The following RBMS3 variants were observed in gnomAD, a reference collection of about 807,000 sequenced individuals.
RBMS3 encodes the protein RNA binding motif single stranded interacting protein 3.
RBMS3 carries 27 observed loss-of-function variants against 66.8 expected under a neutral mutation model. The ratio of observed to expected loss-of-function variants is 0.40; its 90% CI spans 0.30 to 0.56. The LOEUF (loss-of-function observed/expected upper bound fraction) is 0.56, where lower values mean the gene tolerates loss of function less well. Among genes scored for constraint, RBMS3 ranks in the 20% least tolerant of loss-of-function variants. The pLI is 0.40. For synonymous variants in RBMS3, 188 were observed against 183.0 expected, an observed-to-expected ratio of 1.03 and a Z score of -0.22; for missense variants, 513 against 549.5, an observed-to-expected ratio of 0.93 and a Z score of 0.66.
Position 29,488,434 on chromosome 3 carries a change from C to G in RBMS3, c.249-7C>G. The G allele has an allele frequency of 6.4e-7, 1 of 1,551,326 alleles. No individual in the cohort carries two copies. On this transcript the variant is annotated splice_polypyrimidine_tract_variant and splice_region_variant and intron_variant, in intron 2 of 14. Transcript: ENST00000383767. ...AACATGGGTTTTTTTCTCTCTCTCTCTTTCAGGTATGGAAAAATTGTATCT... is the reference window on the plus strand; with the variant it reads ...AACATGGGTTTTTTTCTCTCTCTCTGTTTCAGGTATGGAAAAATTGTATCT...
intron 1 of RBMS3, among the ~76,000 whole-genome samples, chr3:29,331,420 A>G (rs558445123): frequency 6.6e-6 from 1 of 152,202 alleles, no homozygotes; most frequent in Admixed American, 6.5e-5. Context: ...GTAGGACCAA[A>G]CTAAAGCTAT....
intron 4 of RBMS3, among the ~76,000 whole-genome samples, chr3:29,677,295 C>T (rs1028466042): frequency 3.9e-5 from 6 of 152,036 alleles, no homozygotes; most frequent in Non-Finnish European, 7.4e-5. Context: ...TGTTTTCTTC[C>T]GATGATAGTG....
intron 2 of RBMS3, among the ~76,000 whole-genome samples, chr3:29,467,791 A>T (rs1348797933): frequency 6.6e-6 from 1 of 152,230 alleles, no homozygotes; most frequent in Non-Finnish European, 1.5e-5. Context: ...TGCCAGTCTT[A>T]TGTGCATAAA....
chr3:29,441,190 G>A (rs969851613), intron 2 of RBMS3, among the ~76,000 whole-genome samples: 1 of 152,136 alleles, frequency 6.6e-6, no homozygotes, highest in African/African-American at 2.4e-5. Flanking sequence ...TATTTTAAAT[G>A]AGAGAGTGCT....
chr3:29,301,160 A>G lies in RBMS3; in HGVS notation c.75+19404A>G, dbSNP rs545387359. 9.2e-5 allele frequency among the ~76,000 whole-genome samples: 14 copies of G among 152,126 alleles called. No individual in the cohort carries two copies. The South Asian group carries it at 2.9e-3, about 32-fold the overall frequency. ...AAGCATGATCTAAATCCAATGCTAA[A>G]AAAGAGACTTAAGTTTTGTCACCAT... On this transcript the variant is annotated intron_variant, in intron 1 of 14. Coordinates refer to ENST00000383767, the MANE Select transcript of RBMS3 (RefSeq NM_001003793.3).
At chr3:29,572,298 T>C (rs1253636150) in intron 3 of RBMS3, among the ~76,000 whole-genome samples, 1 of 152,168 alleles carries the variant, frequency 6.6e-6, no homozygotes. Flanking sequence ...AGCTAGAATT[T>C]CCAGTACTAT....
At position 29,434,818 on chromosome 3, in the gene RBMS3, AACAACAGCAGCG is replaced by A; in HGVS notation, c.152_163del (p.Asn51_Gly55delinsArg). ...AAACAGCAGCAGCAACAACAGCAGC[AACAACAGCAGCG>A]GGGAACAGTTGAGTAAAACCAACCT... is the stretch of plus-strand genomic sequence containing the variant. On this transcript the variant is annotated inframe_deletion, in exon 2 of 15. Coordinates refer to ENST00000383767, the MANE Select transcript of RBMS3 (RefSeq NM_001003793.3). 6.2e-7 allele frequency: 1 copy of A among 1,614,090 alleles called. No individual in the cohort carries two copies. The highest frequency in any genetic ancestry group is 1.1e-5 in the South Asian group (1 of 91,080).
At chr3:29,664,614 CAA>C (rs896308719) in intron 4 of RBMS3, among the ~76,000 whole-genome samples, 2 of 149,584 alleles carry the variant, frequency 1.3e-5, no homozygotes, top group African/African-American at 4.9e-5. Flanking sequence ...AAGCATTATA[CAA>C]AAAAATAGAA....
intron 5 of RBMS3, among the ~76,000 whole-genome samples, chr3:29,747,622 G>A (rs1208987193): frequency 6.6e-6 from 1 of 152,096 alleles, no homozygotes; most frequent in Non-Finnish European, 1.5e-5. Flanking sequence ...ACTAAATCTG[G>A]GTTCTTTTCT....
At chr3:29,459,398 T>C (rs2042298643) in intron 2 of RBMS3, among the ~76,000 whole-genome samples, 1 of 152,182 alleles carries the variant, frequency 6.6e-6, no homozygotes, top group South Asian at 2.1e-4. Flanking sequence ...CTTTGTCAGC[T>C]GAATAATTTC....
At chr3:29,631,000 G>A (rs1694486184) in intron 4 of RBMS3, among the ~76,000 whole-genome samples, 1 of 151,878 alleles carries the variant, frequency 6.6e-6, no homozygotes, top group Non-Finnish European at 1.5e-5. Context: ...TTATTGGGCA[G>A]TAGAAAAATA....
intron 4 of RBMS3, among the ~76,000 whole-genome samples, chr3:29,726,249 A>C (rs1316360698): frequency 1.3e-5 from 2 of 152,192 alleles, no homozygotes; most frequent in Non-Finnish European, 2.9e-5. Flanking sequence ...CGTAGCCAAT[A>C]TCATACCGAA....
intron 6 of RBMS3, among the ~76,000 whole-genome samples, chr3:29,819,296 T>C (rs978632433): frequency 2.6e-5 from 4 of 152,132 alleles, no homozygotes; most frequent in African/African-American, 7.2e-5. Context: ...GGTCATAACC[T>C]CTCTATGACA....
At chr3:29,488,578 T>C in intron 3 of RBMS3, 79 bp downstream of exon 3, 1 of 1,307,260 alleles carries the variant, frequency 7.6e-7, no homozygotes, top group Non-Finnish European at 1.1e-6. Flanking sequence ...GAGGTCCAGG[T>C]ACCAGCTGCA....
Position 29,786,098 on chromosome 3 carries a change from CAA to C in RBMS3, c.637+23124_637+23125del, listed in dbSNP as rs368403371. Among the ~76,000 whole-genome samples, 67 of 100,640 alleles carry C rather than the reference CAA, an allele frequency of 6.7e-4. 1 individual carries two copies. The highest frequency in any genetic ancestry group is 5.3e-3 in the Middle Eastern group (1 of 188). The allele number at this position is 100,640 out of a possible 152,430, so 66.0% of individuals were successfully genotyped here. ...AACTCAACCCCTTTCACAATAGCTG[CAA>C]AAAAAAAAAAAAAACTTAGAAATGT... is the stretch of plus-strand genomic sequence containing the variant. On this transcript the variant is annotated intron_variant, in intron 6 of 14. Coordinates refer to ENST00000383767, the MANE Select transcript of RBMS3 (RefSeq NM_001003793.3).
chr3:29,762,222 T>G (rs1043203547), intron 5 of RBMS3, among the ~76,000 whole-genome samples: 1 of 152,114 alleles, frequency 6.6e-6, no homozygotes, highest in Non-Finnish European at 1.5e-5. Context: ...TGAGAAAGCA[T>G]AGAACCTAAG....
rs908218303 is a variant in RBMS3, at chr3:29,916,002, G to C, written c.939+16247G>C. Among the ~76,000 whole-genome samples, 4 of 151,982 alleles carry C rather than the reference G, an allele frequency of 2.6e-5. No homozygotes were observed. The South Asian group carries it at 8.3e-4, about 31-fold the overall frequency. On this transcript the variant is annotated intron_variant, in intron 10 of 14. Transcript: ENST00000383767. ...TCACCCTTGCTTATGAAGTTATGTA[G>C]ACAGTCCCATGTAAATCAGAATGGT...
chr3:29,756,663 G>A (rs572595420), intron 5 of RBMS3, among the ~76,000 whole-genome samples: 3 of 152,080 alleles, frequency 2.0e-5, no homozygotes, highest in Non-Finnish European at 4.4e-5. Context: ...AGATTTGGTT[G>A]GGGACACAGC....
chr3:29,725,183 A>G (rs1334846600), intron 4 of RBMS3, among the ~76,000 whole-genome samples: 1 of 152,196 alleles, frequency 6.6e-6, no homozygotes, highest in Non-Finnish European at 1.5e-5. Context: ...AAAACATATA[A>G]CTAAGAAAAA....
Sources: gnomAD v4.1 joint callset for allele counts (sites outside exome capture counted in the v4.1 genomes callset) on GRCh38, gnomAD v4.1.1 for gene constraint, MANE v1.5 for transcripts, NCBI Gene and HGNC (gene_info 2026-07-23, HGNC 2026-07-21) for gene names.